The following RCAN2 variants were observed in gnomAD, a reference collection of about 807,000 sequenced individuals.
The protein encoded by RCAN2 is calcipressin-2.
A neutral mutation model predicts 23.6 loss-of-function variants in RCAN2; 9 were observed. That is an observed-to-expected ratio of 0.38 (90% CI 0.23 to 0.67). The LOEUF (loss-of-function observed/expected upper bound fraction) is 0.67. RCAN2 is among the 30% of genes least tolerant of loss of function. The pLI is 0.51. For synonymous variants in RCAN2, 109 were observed against 115.7 expected, an observed-to-expected ratio of 0.94 and a Z score of 0.37; for missense variants, 273 against 302.3, an observed-to-expected ratio of 0.90 and a Z score of 0.72.
chr6:46,300,195 C>T (rs1762862121), intron 2 of RCAN2, among the ~76,000 whole-genome samples: 1 of 151,812 alleles, frequency 6.6e-6, no homozygotes, highest in East Asian at 1.9e-4. Flanking sequence ...AAAATATAGA[C>T]TTTAATCCAA....
chr6:46,475,429 A>G (rs1303655990), intron 1 of RCAN2, among the ~76,000 whole-genome samples: 1 of 152,170 alleles, frequency 6.6e-6, no homozygotes, highest in Non-Finnish European at 1.5e-5. Context: ...TGCTTATTGT[A>G]GAAATGAGAT....
At chr6:46,362,494 A>G (rs982208399) in intron 2 of RCAN2, among the ~76,000 whole-genome samples, 2 of 152,136 alleles carry the variant, frequency 1.3e-5, no homozygotes, top group Admixed American at 6.6e-5. Context: ...AAACCAAACA[A>G]ATCCTCAAGG....
intron 2 of RCAN2, among the ~76,000 whole-genome samples, chr6:46,421,973 A>G (rs1356573289): frequency 1.3e-5 from 2 of 152,238 alleles, no homozygotes; most frequent in East Asian, 3.8e-4. Context: ...TTATTTAGAA[A>G]TAAGAAGTGA....
intron 2 of RCAN2, among the ~76,000 whole-genome samples, chr6:46,396,359 C>T (rs558174105): frequency 5.3e-5 from 8 of 152,324 alleles, no homozygotes; most frequent in African/African-American, 1.9e-4. Context: ...ATAGCCTATT[C>T]TTACTTAGCT....
intron 1 of RCAN2, among the ~76,000 whole-genome samples, chr6:46,474,492 G>T (rs564601383): frequency 7.2e-5 from 11 of 152,262 alleles, no homozygotes; most frequent in African/African-American, 2.4e-4. Context: ...TTCTCTAGCA[G>T]CTCAGTTAAG....
chr6:46,358,861 T>C (rs1764916179), intron 2 of RCAN2, among the ~76,000 whole-genome samples: 2 of 152,192 alleles, frequency 1.3e-5, no homozygotes, highest in South Asian at 4.1e-4. Flanking sequence ...GGTTGGGACC[T>C]AAGCATTGGT....
intron 1 of RCAN2, among the ~76,000 whole-genome samples, chr6:46,462,636 C>A (rs957510608): frequency 6.6e-6 from 1 of 152,158 alleles, no homozygotes; most frequent in African/African-American, 2.4e-5. Flanking sequence ...AATTTCTTTT[C>A]CCCCAATAAA....
intron 2 of RCAN2, among the ~76,000 whole-genome samples, chr6:46,402,946 G>C (rs1412327133): frequency 1.3e-5 from 2 of 151,752 alleles, no homozygotes; most frequent in Non-Finnish European, 2.9e-5. Flanking sequence ...ACACATACTA[G>C]GTTGCTATGC....
chr6:46,263,791 T>C (rs1259485917), intron 2 of RCAN2, among the ~76,000 whole-genome samples: 1 of 151,150 alleles, frequency 6.6e-6, no homozygotes, highest in African/African-American at 2.4e-5. Context: ...TAGTTGGCCC[T>C]AAGCCATATT....
chr6:46,425,336 G>T (rs1767002784), intron 2 of RCAN2, among the ~76,000 whole-genome samples: 2 of 152,194 alleles, frequency 1.3e-5, no homozygotes, highest in African/African-American at 2.4e-5. Context: ...CACACATCAT[G>T]CAGCCTCTAG....
chr6:46,419,553 G>A (rs1766812836), intron 2 of RCAN2, among the ~76,000 whole-genome samples: 1 of 151,966 alleles, frequency 6.6e-6, no homozygotes, highest in South Asian at 2.1e-4. Context: ...TTAAATTTTT[G>A]CCCAAGATTT....
chr6:46,427,958 G>T (rs959881616), intron 2 of RCAN2, among the ~76,000 whole-genome samples: 3 of 152,082 alleles, frequency 2.0e-5, no homozygotes, highest in African/African-American at 7.2e-5. Flanking sequence ...GAATCTGTTA[G>T]GGCTAAGCTA....
chr6:46,384,842 G>T (rs1221509944), intron 2 of RCAN2, among the ~76,000 whole-genome samples: 1 of 152,218 alleles, frequency 6.6e-6, no homozygotes, highest in Non-Finnish European at 1.5e-5. Context: ...GGCGAAAGGA[G>T]TGTGAGGCAA....
intron 2 of RCAN2, among the ~76,000 whole-genome samples, chr6:46,320,754 T>C (rs943986891): frequency 1.3e-5 from 2 of 152,138 alleles, no homozygotes; most frequent in African/African-American, 4.8e-5. Flanking sequence ...CCTGTAGCAA[T>C]CCTAAGATTC....
At position 46,454,044 on chromosome 6, in the gene RCAN2, C is replaced by T. The variant is rs1021088414; in HGVS notation, c.225+2708G>A. 2.6e-5 allele frequency among the ~76,000 whole-genome samples: 4 copies of T among 152,270 alleles called. No homozygotes were observed. In the East Asian group the frequency reaches 5.8e-4, roughly 22 times the overall value. The stretch of plus-strand genomic sequence containing the variant: ...AAAACAATTACCATGGCCAGCCTTG[C>T]CCATAGGCCAATACAAGGAGTGCTG... On this transcript the variant is annotated intron_variant, in intron 2 of 4. Coordinates refer to ENST00000371374, the MANE Select transcript of RCAN2 (RefSeq NM_001251974.2).
chr6:46,471,225 C>G (rs769116167), intron 1 of RCAN2, among the ~76,000 whole-genome samples: 2 of 152,176 alleles, frequency 1.3e-5, no homozygotes, highest in Non-Finnish European at 2.9e-5. Flanking sequence ...AGAGTCTGAA[C>G]AGAGGAGTTT....
At chr6:46,368,671 A>T (rs751577923) in intron 2 of RCAN2, among the ~76,000 whole-genome samples, 2 of 152,234 alleles carry the variant, frequency 1.3e-5, no homozygotes, top group Non-Finnish European at 2.9e-5. Flanking sequence ...ATCTACACAT[A>T]GAAAAGGTAC....
intron 2 of RCAN2, among the ~76,000 whole-genome samples, chr6:46,388,436 G>A (rs1765831069): frequency 6.6e-6 from 1 of 151,972 alleles, no homozygotes. Context: ...GACCCAGTAA[G>A]CCCATTACTG....
intron 2 of RCAN2, among the ~76,000 whole-genome samples, chr6:46,323,780 T>C (rs1384962405): frequency 6.6e-6 from 1 of 152,256 alleles, no homozygotes; most frequent in Non-Finnish European, 1.5e-5. Context: ...CAGTTGGTTA[T>C]TTTTATAGCT....
Sources: allele counts gnomAD v4.1 joint callset (sites outside exome capture counted in the v4.1 genomes callset), GRCh38; gene constraint gnomAD v4.1.1; transcripts MANE v1.5; gene names NCBI Gene and HGNC (gene_info 2026-07-23, HGNC 2026-07-21).